The following KCNC1 variants were observed in gnomAD, a reference collection of about 807,000 sequenced individuals.
KCNC1 encodes voltage-gated potassium channel KCNC1.
KCNC1 carries 8 observed loss-of-function variants against 43.4 expected under a neutral mutation model. The observed-to-expected ratio is 0.18, with a 90% confidence interval of 0.11 to 0.33. The LOEUF (loss-of-function observed/expected upper bound fraction) is 0.33, where lower values mean the gene tolerates loss of function less well. KCNC1 is among the 10% of genes least tolerant of loss of function. KCNC1 has a pLI of 1.00. For synonymous variants in KCNC1, 361 were observed against 360.5 expected (o/e 1.00, Z -0.01); for missense variants, 420 against 836.0 (o/e 0.50, Z 6.14).
At chr11:17,762,926 G>A (rs17792092) in intron 1 of KCNC1, among the ~76,000 whole-genome samples, 80,417 of 152,112 alleles carry the variant, frequency 0.53, 23,321 homozygotes, top group East Asian at 0.88. Context: ...AGGTGCCACC[G>A]ATGTAAGACA....
intron 1 of KCNC1, among the ~76,000 whole-genome samples, chr11:17,747,542 G>A (rs1032091895): frequency 5.9e-5 from 9 of 152,142 alleles, no homozygotes; most frequent in Admixed American, 1.3e-4. Context: ...ACAGGGAGGA[G>A]CCTGGGGGCT....
intron 1 of KCNC1, among the ~76,000 whole-genome samples, chr11:17,747,477 A>G (rs1802428799): frequency 6.6e-6 from 1 of 152,196 alleles, no homozygotes; most frequent in Non-Finnish European, 1.5e-5. Context: ...GGCGGAGGCC[A>G]TGCATCACAG....
intron 1 of KCNC1, among the ~76,000 whole-genome samples, chr11:17,760,970 T>G (rs1233961865): frequency 6.6e-6 from 1 of 152,194 alleles, no homozygotes; most frequent in African/African-American, 2.4e-5. Context: ...GGCGGGAAAG[T>G]CGGCAGCTCT....
rs922073431 is a variant in KCNC1 at position 17,742,820 on chromosome 11, G to A, written c.570+6248G>A. Among the ~76,000 whole-genome samples, 2 of 152,320 alleles carry A rather than the reference G, an allele frequency of 1.3e-5. No homozygotes were observed. Among genetic ancestry groups the A allele is most frequent in the South Asian group, 4.1e-4 (2 of 4,828 alleles). On this transcript the variant is annotated intron_variant, in intron 1 of 3. Transcript: ENST00000265969. This position sits in a 1 kb window ranked among gnomAD's most constrained non-coding sequence, Gnocchi z 4.2. Reference sequence around the variant, plus strand: ...GCCTAGGCCTCTGGTCCCAGGGCCTGACCATCTGAATTTCTTTTGGCTCTC... The same window carrying A: ...GCCTAGGCCTCTGGTCCCAGGGCCTAACCATCTGAATTTCTTTTGGCTCTC...
intron 1 of KCNC1, among the ~76,000 whole-genome samples, chr11:17,770,588 C>T (rs1027803616): frequency 1.3e-5 from 2 of 152,196 alleles, no homozygotes; most frequent in African/African-American, 4.8e-5. Flanking sequence ...GGTACCCATG[C>T]CTGCTGCAGG....
chr11:17,747,042 C>T (rs576621485), intron 1 of KCNC1, among the ~76,000 whole-genome samples: 55 of 152,304 alleles, frequency 3.6e-4, no homozygotes, highest in African/African-American at 1.0e-3. Context: ...AGATTCAAAT[C>T]GTCACCCGTT....
intron 1 of KCNC1, among the ~76,000 whole-genome samples, chr11:17,756,959 C>T (rs7125500): frequency 6.6e-6 from 1 of 152,100 alleles, no homozygotes; most frequent in Non-Finnish European, 1.5e-5. Flanking sequence ...TAACACTTTC[C>T]AGCTATGTGG....
rs185650020 is a variant in KCNC1 at position 17,777,955 on chromosome 11, C to T, written c.1505-1501C>T. The T allele has an allele frequency of 4.5e-5, 26 of 573,666 alleles. No individual in the cohort carries two copies. In the East Asian group the frequency reaches 3.0e-3, roughly 67 times the overall value. The allele number at this position is 573,666 out of a possible 1,614,324, so 35.5% of individuals were successfully genotyped here. On this transcript the variant is annotated intron_variant, in intron 2 of 3. Coordinates refer to ENST00000265969, the MANE Select transcript of KCNC1 (RefSeq NM_001112741.2). This position sits in a 1 kb window ranked among gnomAD's most constrained non-coding sequence, Gnocchi z 4.3. Reference sequence around the variant, plus strand: ...TAGTTACATGATGTGAACAGGATCACGGGAGAGTGTTCAATCGGGTGGACA... The same window carrying T: ...TAGTTACATGATGTGAACAGGATCATGGGAGAGTGTTCAATCGGGTGGACA...
In KCNC1 at chr11:17,781,651, T is replaced by C. The variant is rs1004793135; in HGVS notation, c.1694-19T>C. 43 of 1,520,176 alleles carry C rather than the reference T, an allele frequency of 2.8e-5. No individual in the cohort carries two copies. Among genetic ancestry groups the C allele is most frequent in the African/African-American group, 8.3e-5 (6 of 72,476 alleles). The allele number at this position is 1,520,176 out of a possible 1,614,324, so 94.2% of individuals were successfully genotyped here. A position where few individuals can be genotyped will look rare whatever the true frequency, so the allele number is the denominator to read the frequency against. On this transcript the variant is annotated intron_variant, in intron 3 of 3. Coordinates refer to ENST00000265969, the MANE Select transcript of KCNC1 (RefSeq NM_001112741.2). This position sits in a 1 kb window ranked among gnomAD's most constrained non-coding sequence, Gnocchi z 5.1. ...CCAAGAAGAGAAGCTCAAGTGTTAA[T>C]TGTATTCTTTACATACAGATCTTTG...
At chr11:17,749,969 G>A (rs1273994866) in intron 1 of KCNC1, among the ~76,000 whole-genome samples, 1 of 152,240 alleles carries the variant, frequency 6.6e-6, no homozygotes, top group Non-Finnish European at 1.5e-5. Context: ...TGCAGGAAGA[G>A]GCCACCATCT....
intron 1 of KCNC1, among the ~76,000 whole-genome samples, chr11:17,761,403 C>T (rs915995813): frequency 6.6e-6 from 1 of 152,248 alleles, no homozygotes; most frequent in Middle Eastern, 3.2e-3. Flanking sequence ...GCCGCCTCGG[C>T]CAGCTCCCGG....
intron 1 of KCNC1, among the ~76,000 whole-genome samples, chr11:17,743,232 C>T (rs1362593682): frequency 1.3e-5 from 2 of 152,222 alleles, no homozygotes; most frequent in Non-Finnish European, 2.9e-5. Context: ...AGCTCATGCG[C>T]GGTGGAGCCA....
chr11:17,752,359 C>T (rs981928473), intron 1 of KCNC1, among the ~76,000 whole-genome samples: 1 of 152,182 alleles, frequency 6.6e-6, no homozygotes, highest in Non-Finnish European at 1.5e-5. Context: ...AACCAGGTCC[C>T]GATGAGAGTG....
chr11:17,763,633 C>T (rs1037875552), intron 1 of KCNC1, among the ~76,000 whole-genome samples: 1 of 33,284 alleles, frequency 3.0e-5, no homozygotes, highest in Non-Finnish European at 8.1e-5. Context: ...CACCCACACA[C>T]ACACACCCCC....
At chr11:17,768,277 G>A (rs1321605623) in intron 1 of KCNC1, among the ~76,000 whole-genome samples, 1 of 152,216 alleles carries the variant, frequency 6.6e-6, no homozygotes, top group Non-Finnish European at 1.5e-5. Context: ...AGACTGGCAG[G>A]AGCACTCTCC....
chr11:17,759,053 C>G (rs762492057), intron 1 of KCNC1, among the ~76,000 whole-genome samples: 1 of 152,374 alleles, frequency 6.6e-6, no homozygotes, highest in Non-Finnish European at 1.5e-5. Context: ...ATTGAAAAAT[C>G]TTTTGTTTGG....
chr11:17,741,808 C>T (rs887883325), intron 1 of KCNC1, among the ~76,000 whole-genome samples: 4 of 152,226 alleles, frequency 2.6e-5, no homozygotes, highest in African/African-American at 9.6e-5. Context: ...GGTTCCCCTG[C>T]CTCAGGGCCT....
chr11:17,737,825 C>A (rs879321062), intron 1 of KCNC1, among the ~76,000 whole-genome samples: 1 of 152,154 alleles, frequency 6.6e-6, no homozygotes, highest in Non-Finnish European at 1.5e-5. Flanking sequence ...TCCCCTCCTG[C>A]GCACTGGAGC....
At chr11:17,766,985 T>G (rs1305092412) in intron 1 of KCNC1, among the ~76,000 whole-genome samples, 1 of 75,760 alleles carries the variant, frequency 1.3e-5, no homozygotes, top group African/African-American at 4.9e-5. Flanking sequence ...AAAAAAAAAA[T>G]TAGCCGGGCG....
Sources: allele counts gnomAD v4.1 joint callset (sites outside exome capture counted in the v4.1 genomes callset), GRCh38; gene constraint gnomAD v4.1.1; non-coding constraint Gnocchi (gnomAD v3.1); transcripts MANE v1.5; gene names NCBI Gene and HGNC (gene_info 2026-07-23, HGNC 2026-07-21).